The following RPH3AL variants were observed in gnomAD, a reference collection of about 807,000 sequenced individuals.
The protein encoded by RPH3AL is rabphilin 3A like (without C2 domains).
A neutral mutation model predicts 43.1 loss-of-function variants in RPH3AL; 38 were observed. The ratio of observed to expected loss-of-function variants is 0.88; its 90% CI spans 0.68 to 1.15. The LOEUF (loss-of-function observed/expected upper bound fraction) is 1.15. Among genes scored for constraint, RPH3AL ranks in the 50% most tolerant of loss-of-function variants. The pLI, the probability that RPH3AL is intolerant of heterozygous loss-of-function variation, is 0.00. For missense variants in RPH3AL, 462 were observed against 423.2 expected, an observed-to-expected ratio of 1.09 and a Z score of -0.81; for synonymous variants, 189 against 176.3, an observed-to-expected ratio of 1.07 and a Z score of -0.57.
rs1056183084 is a variant in RPH3AL at position 264,701 on chromosome 17, G to A, written c.438+17067C>T. 7.2e-5 allele frequency among the ~76,000 whole-genome samples: 11 copies of A among 152,188 alleles called. No individual in the cohort carries two copies. The highest frequency in any genetic ancestry group is 2.2e-4 in the African/African-American group (9 of 41,430). ...GTCAGCATTTGCTCTTCTAAGCGTG[G>A]AGGATGACCCTTCCACCTGTGACCG... On this transcript the variant is annotated intron_variant, in intron 6 of 9. Coordinates refer to ENST00000331302, the MANE Select transcript of RPH3AL (RefSeq NM_006987.4). This position sits in a 1 kb window ranked among gnomAD's most constrained non-coding sequence, Gnocchi z 4.8.
intron 6 of RPH3AL, among the ~76,000 whole-genome samples, chr17:270,872 A>T (rs994870374): frequency 2.6e-5 from 4 of 152,234 alleles, no homozygotes; most frequent in Admixed American, 6.5e-5. Flanking sequence ...CTGAATGGTA[A>T]AGCCTAGGTT....
At chr17:288,661 G>A (rs866073084) in intron 5 of RPH3AL, among the ~76,000 whole-genome samples, 4 of 140 alleles carry the variant, frequency 0.029, 1 homozygote. Flanking sequence ...TCTCTCCACC[G>A]TCAGACCTCG....
At chr17:327,389 A>T in intron 3 of RPH3AL, 78 bp downstream of exon 3, 26 of 1,291,158 alleles carry the variant, frequency 2.0e-5, no homozygotes, top group Non-Finnish European at 2.9e-5. Flanking sequence ...GGCCCCTGGG[A>T]ATGAATCTTG....
intron 3 of RPH3AL, 124 bp from the exon 4 acceptor site, chr17:321,539 C>T (rs1035208151): frequency 5.7e-5 from 63 of 1,112,070 alleles, no homozygotes; most frequent in African/African-American, 6.9e-5. Flanking sequence ...CGTGCCGGGA[C>T]GACGAGCGCG....
chr17:250,889 C>T (rs1047277853), intron 6 of RPH3AL, among the ~76,000 whole-genome samples: 30 of 152,166 alleles, frequency 2.0e-4, no homozygotes, highest in African/African-American at 7.0e-4. Context: ...TGGGACCTCT[C>T]AGAGCCTAAG....
Position 290,421 on chromosome 17 carries a change from T to C in RPH3AL, c.352-8567A>G, listed in dbSNP as rs146169205. Among the ~76,000 whole-genome samples, 5 of 152,078 alleles carry C rather than the reference T, an allele frequency of 3.3e-5. No homozygotes were observed. The highest frequency in any genetic ancestry group is 1.2e-4 in the African/African-American group (5 of 41,486). On this transcript the variant is annotated intron_variant, in intron 5 of 9. Transcript: ENST00000331302. This position sits in a 1 kb window ranked among gnomAD's most constrained non-coding sequence, Gnocchi z 4.2. ...GGAAGCGGGGATGTTTACCAGACCA[T>C]TCCCATGACGGCTCCTGCCTGCCTC...
Position 286,468 on chromosome 17 carries a change from G to A in RPH3AL, c.352-4614C>T, listed in dbSNP as rs116163641. Among the ~76,000 whole-genome samples the A allele has an allele frequency of 4.2e-3, 644 of 152,252 alleles. 4 individuals carry two copies. Among genetic ancestry groups the A allele is most frequent in the African/African-American group, 7.1e-3 (296 of 41,552 alleles). ...GCAGGGGGCGTTCCTAAGAGGCGAGGGCTACGGAAAGACGACACGCTCCCA... is the reference window on the plus strand; with the variant it reads ...GCAGGGGGCGTTCCTAAGAGGCGAGAGCTACGGAAAGACGACACGCTCCCA... On this transcript the variant is annotated intron_variant, in intron 5 of 9. Coordinates refer to ENST00000331302, the MANE Select transcript of RPH3AL (RefSeq NM_006987.4).
rs150747107 is a variant in RPH3AL at position 245,513 on chromosome 17, G to T, written c.613+1598C>A. Among the ~76,000 whole-genome samples, 311 of 152,104 alleles carry T rather than the reference G, an allele frequency of 2.0e-3. 2 individuals carry two copies. Among genetic ancestry groups the T allele is most frequent in the Non-Finnish European group, 3.0e-3 (207 of 67,976 alleles). On this transcript the variant is annotated intron_variant, in intron 7 of 9. Coordinates refer to ENST00000331302, the MANE Select transcript of RPH3AL (RefSeq NM_006987.4). The surrounding 1 kb of genome is among the most constrained non-coding windows in gnomAD (Gnocchi z 5.9). ...TATGCCCTGACTTGGAGCAGACGGG[G>T]CAGTGGCAGCTCTTGAAGTGGGGCA...
rs1056780192 is a variant in RPH3AL at position 322,483 on chromosome 17, G to T, written c.78-1068C>A. The stretch of plus-strand genomic sequence containing the variant: ...CAGGTCTAAGGCGTTTTCATTCTAC[G>T]CATTACCAAGTACCCGCTGGGACGC... On this transcript the variant is annotated intron_variant, in intron 3 of 9. Transcript: ENST00000331302. This position sits in a 1 kb window ranked among gnomAD's most constrained non-coding sequence, Gnocchi z 4.0. 1 of 152,186 alleles carries T rather than the reference G, an allele frequency of 6.6e-6. No individual in the cohort carries two copies. Among genetic ancestry groups the T allele is most frequent in the Non-Finnish European group, 1.5e-5 (1 of 68,064 alleles). The allele number at this position is 152,186 out of a possible 1,614,324, so 9.4% of individuals were successfully genotyped here. A position where few individuals can be genotyped will look rare whatever the true frequency, so the allele number is the denominator to read the frequency against.
intron 6 of RPH3AL, among the ~76,000 whole-genome samples, chr17:270,800 T>C (rs993108462): frequency 3.3e-5 from 5 of 152,258 alleles, no homozygotes; most frequent in Admixed American, 1.3e-4. Flanking sequence ...TTTGTCTATT[T>C]TGGCTTTTGT....
intron 5 of RPH3AL, among the ~76,000 whole-genome samples, chr17:315,555 G>C (rs1555520084): frequency 5.2e-4 from 24 of 46,484 alleles, no homozygotes; most frequent in East Asian, 1.9e-3. Context: ...TTGACCTGTA[G>C]TCCCTGTGCC....
In RPH3AL at chr17:240,237, C is replaced by CA. The variant is rs56048443; in HGVS notation, c.613+6873dup. On this transcript the variant is annotated intron_variant, in intron 7 of 9. Transcript: ENST00000331302. ...GGGCAACAAGAGTGAAACTCCATCTCAAAAAAAAAAAAAAAGGTTTTTTTG... is the reference window on the plus strand; with the variant it reads ...GGGCAACAAGAGTGAAACTCCATCTCAAAAAAAAAAAAAAAAGGTTTTTTTG... Among the ~76,000 whole-genome samples the CA allele has an allele frequency of 2.5e-3, 351 of 140,250 alleles. 1 individual carries two copies. Among genetic ancestry groups the CA allele is most frequent in the South Asian group, 5.3e-3 (24 of 4,532 alleles). The allele number at this position is 140,250 out of a possible 152,430, so 92.0% of individuals were successfully genotyped here.
chr17:278,053 G>A (rs1449074599), intron 6 of RPH3AL, among the ~76,000 whole-genome samples: 1 of 152,104 alleles, frequency 6.6e-6, no homozygotes, highest in Non-Finnish European at 1.5e-5. Context: ...TAACTCTGAT[G>A]ATACAGTTTG....
intron 6 of RPH3AL, among the ~76,000 whole-genome samples, chr17:258,555 C>G (rs1567591969): frequency 6.6e-6 from 1 of 152,152 alleles, no homozygotes; most frequent in African/African-American, 2.4e-5. Context: ...CTCTCCTCCC[C>G]AGCTGCCCTG....
chr17:252,643 T>G (rs1163601422), intron 6 of RPH3AL, among the ~76,000 whole-genome samples: 4 of 152,160 alleles, frequency 2.6e-5, no homozygotes, highest in Admixed American at 2.6e-4. Context: ...ATCCTCGTCC[T>G]CACGGGCAGC....
At chr17:313,317 C>A (rs2043692263) in intron 5 of RPH3AL, among the ~76,000 whole-genome samples, 1 of 152,208 alleles carries the variant, frequency 6.6e-6, no homozygotes, top group Non-Finnish European at 1.5e-5. Context: ...TCAAAACACT[C>A]CACTGGCATC....
chr17:276,792 G>T (rs1271078852), intron 6 of RPH3AL, among the ~76,000 whole-genome samples: 1 of 152,128 alleles, frequency 6.6e-6, no homozygotes, highest in Admixed American at 6.5e-5. Flanking sequence ...AATTCTCCAA[G>T]CTGTTATATT....
At chr17:218,930 C>A (rs2040880026) in intron 8 of RPH3AL, among the ~76,000 whole-genome samples, 1 of 152,154 alleles carries the variant, frequency 6.6e-6, no homozygotes, top group Non-Finnish European at 1.5e-5. Context: ...ATTGAAGAGG[C>A]AAACTCTCAG....
At chr17:278,147 T>C (rs2151601318) in intron 6 of RPH3AL, among the ~76,000 whole-genome samples, 1 of 152,160 alleles carries the variant, frequency 6.6e-6, no homozygotes, top group African/African-American at 2.4e-5. Flanking sequence ...GGGAGGTAAT[T>C]GAATCATGGG....
Sources: allele counts gnomAD v4.1 joint callset (sites outside exome capture counted in the v4.1 genomes callset), GRCh38; gene constraint gnomAD v4.1.1; non-coding constraint Gnocchi (gnomAD v3.1); transcripts MANE v1.5; gene names NCBI Gene and HGNC (gene_info 2026-07-23, HGNC 2026-07-21).